The following SOX12 variants were observed in gnomAD, a reference collection of about 807,000 sequenced individuals.
The protein encoded by SOX12 is transcription factor SOX-12.
In SOX12, 8 loss-of-function variants were observed where a neutral mutation model predicts 21.5. The ratio of observed to expected loss-of-function variants is 0.37; its 90% confidence interval spans 0.22 to 0.67. SOX12 has a LOEUF of 0.67. Ranked by LOEUF, SOX12 falls within the 30% of genes least tolerant of loss-of-function variation. The probability of loss-of-function intolerance (pLI) is 0.56; values close to 1 mark genes in which losing one functional copy is unlikely to be tolerated. For synonymous variants in SOX12, 235 were observed against 224.2 expected (o/e 1.05, Z -0.43); for missense variants, 400 against 482.6 (o/e 0.83, Z 1.60).
chr20:329,093 C>G lies in SOX12; in HGVS notation c.*2221C>G, dbSNP rs918970837. ...GAGTCATCTTAATTTCAAAATGAGACTCATATTTTAAAATTTCTGTGGGCC... is the reference window on the plus strand; with the variant it reads ...GAGTCATCTTAATTTCAAAATGAGAGTCATATTTTAAAATTTCTGTGGGCC... On this transcript the variant is annotated 3_prime_UTR_variant, in exon 1 of 1. Coordinates refer to ENST00000342665, the MANE Select transcript of SOX12 (RefSeq NM_006943.4). 1 of 162,770 alleles carries G rather than the reference C, an allele frequency of 6.1e-6. No homozygotes were observed. Among genetic ancestry groups the G allele is most frequent in the Non-Finnish European group, 1.5e-5 (1 of 67,656 alleles). 10.1% of individuals were successfully genotyped at this position (162,770 alleles called of 1,614,324 possible).
At position 326,860 on chromosome 20, in the gene SOX12, T is replaced by C; in HGVS notation, c.936T>C (p.Val312=). Residue 312 remains valine, a synonymous_variant, in exon 1 of 1, where the codon GTT becomes GTC. Transcript: ENST00000342665. The surrounding 1 kb of genome is among the most constrained non-coding windows in gnomAD (Gnocchi z 9.9). The part of the protein sequence containing the change: ...DWRPSSIADL[V]FTY Reference sequence around the variant, plus strand: ...GCCCGTCTAGCATCGCAGACCTGGTTTTCACCTACTGAGCCCACCGTCAGC... The same window carrying C: ...GCCCGTCTAGCATCGCAGACCTGGTCTTCACCTACTGAGCCCACCGTCAGC... 2 of 1,613,018 alleles carry C rather than the reference T, an allele frequency of 1.2e-6. No homozygotes were observed. The highest frequency in any genetic ancestry group is 8.5e-7 in the Non-Finnish European group (1 of 1,179,770).
rs1475540637 is a variant in SOX12 at position 326,100 on chromosome 20, T to C, written c.176T>C (p.Met59Thr). 1 of 1,602,408 alleles carries C rather than the reference T, an allele frequency of 6.2e-7. No homozygotes were observed. The highest frequency in any genetic ancestry group is 8.5e-7 in the Non-Finnish European group (1 of 1,174,984). The stretch of plus-strand genomic sequence containing the variant: ...TCGCAGCACGAACGGCGGAAGATCA[T>C]GGACCAGTGGCCCGACATGCACAAC... ...VWSQHERRKI[M>T]DQWPDMHNAE... is the part of the protein sequence containing the mutation. Residue 59 changes from methionine to threonine, a missense_variant, in exon 1 of 1, where the codon ATG becomes ACG. By Grantham distance (81) the Met-to-Thr change is moderately conservative. This residue lies in a region of SOX12 where 92 missense variants were observed against 162.0 expected (regional missense o/e 0.57). Transcript: ENST00000342665. This position sits in a 1 kb window ranked among gnomAD's most constrained non-coding sequence, Gnocchi z 9.9.
Position 325,906 on chromosome 20 carries a change from G to T in SOX12, c.-19G>T. On this transcript the variant is annotated 5_prime_UTR_variant, in exon 1 of 1. Coordinates refer to ENST00000342665, the MANE Select transcript of SOX12 (RefSeq NM_006943.4). This position sits in a 1 kb window ranked among gnomAD's most constrained non-coding sequence, Gnocchi z 5.0. ...CGGACGGCCCCCGGCGGCGTCTAGC[G>T]GCCCCGGGCCCAGGCGCGATGGTGC... 8.9e-7 allele frequency: 1 copy of T among 1,119,290 alleles called. No individual in the cohort carries two copies. The highest frequency in any genetic ancestry group is 1.1e-6 in the Non-Finnish European group (1 of 916,100). 69.3% of individuals were successfully genotyped at this position (1,119,290 alleles called of 1,614,324 possible). A position where few individuals can be genotyped will look rare whatever the true frequency, so the allele number is the denominator to read the frequency against.
At position 325,953 on chromosome 20, in the gene SOX12, A is replaced by G. The variant is rs2013079754; in HGVS notation, c.29A>G (p.Lys10Arg). 8 of 1,339,740 alleles carry G rather than the reference A, an allele frequency of 6.0e-6. No homozygotes were observed. Among genetic ancestry groups the G allele is most frequent in the Non-Finnish European group, 7.6e-6 (8 of 1,046,556 alleles). 83.0% of individuals were successfully genotyped at this position (1,339,740 alleles called of 1,614,324 possible). MVQQRGARA[K>R]RDGGPPPPGP... Reference sequence around the variant, plus strand: ...GTGCAGCAGCGGGGCGCGAGGGCCAAGCGGGACGGCGGGCCGCCGCCCCCG... The same window carrying G: ...GTGCAGCAGCGGGGCGCGAGGGCCAGGCGGGACGGCGGGCCGCCGCCCCCG... The change falls in exon 1 of 1, where the codon AAG (lysine) becomes AGG (arginine). Residue 10 changes from lysine to arginine, a missense_variant. Coordinates refer to ENST00000342665, the MANE Select transcript of SOX12 (RefSeq NM_006943.4). The surrounding 1 kb of genome is among the most constrained non-coding windows in gnomAD (Gnocchi z 5.0).
Position 326,419 on chromosome 20 carries a change from C to T in SOX12, c.495C>T (p.Asp165=), listed in dbSNP as rs1251150965. 7.4e-7 allele frequency: 1 copy of T among 1,351,580 alleles called. No homozygotes were observed. Among genetic ancestry groups the T allele is most frequent in the Non-Finnish European group, 9.4e-7 (1 of 1,058,670 alleles). 83.7% of individuals were successfully genotyped at this position (1,351,580 alleles called of 1,614,324 possible). ...LGGGAAAPED[D]DEDDDEELLE... The stretch of plus-strand genomic sequence containing the variant: ...GCGGGGCGGCGGCGCCCGAGGACGA[C>T]GATGAAGACGACGACGAGGAGCTGC... Residue 165 remains aspartate (D), a synonymous_variant, in exon 1 of 1, where the codon GAC becomes GAT. Coordinates refer to ENST00000342665, the MANE Select transcript of SOX12 (RefSeq NM_006943.4). This position sits in a 1 kb window ranked among gnomAD's most constrained non-coding sequence, Gnocchi z 9.9.
chr20:326,717 C>G lies in SOX12; in HGVS notation c.793C>G (p.Leu265Val), dbSNP rs144343937. The G allele has an allele frequency of 1.2e-6, 2 of 1,605,418 alleles. No individual in the cohort carries two copies. The highest frequency in any genetic ancestry group is 4.5e-5 in the East Asian group (2 of 44,424). The change falls in exon 1 of 1, where the codon CTG becomes GTG. Residue 265 changes from leucine (L) to valine (V), a missense_variant. Leu to Val is a conservative substitution (Grantham distance 32). This residue lies in a region of SOX12 where 235 missense variants were observed against 219.3 expected (regional missense o/e 1.07). Coordinates refer to ENST00000342665, the MANE Select transcript of SOX12 (RefSeq NM_006943.4). The surrounding 1 kb of genome is among the most constrained non-coding windows in gnomAD (Gnocchi z 9.9). ...LSRLPPGPAG[L>V]DCSALDRDPD... ...CAGGCTGCCCCCTGGCCCGGCCGGC[C>G]TGGACTGCAGCGCCCTGGATCGCGA...
rs772928372 is a variant in SOX12, at chr20:326,441, C to T, written c.517C>T (p.Leu173=). The change falls in exon 1 of 1, where the codon CTG becomes TTG. Residue 173 remains leucine, a synonymous_variant. Transcript: ENST00000342665. This position sits in a 1 kb window ranked among gnomAD's most constrained non-coding sequence, Gnocchi z 9.9. ...CGACGATGAAGACGACGACGAGGAG[C>T]TGCTGGAAGTGCGCCTGGTCGAGAC... ...EDDDEDDDEE[L]LEVRLVETPG... is the part of the protein sequence containing the mutation. The T allele has an allele frequency of 1.7e-5, 23 of 1,370,028 alleles. No individual in the cohort carries two copies. The South Asian group carries it at 2.8e-4, about 17-fold the overall frequency. 84.9% of individuals were successfully genotyped at this position (1,370,028 alleles called of 1,614,324 possible). A position where few individuals can be genotyped will look rare whatever the true frequency, so the allele number is the denominator to read the frequency against.
chr20:329,264 T>A lies in SOX12; in HGVS notation c.*2392T>A, dbSNP rs1053877111. ...CTCCACCACTGAGCACCCGTGTGAC[T>A]CTTTCCATATGTATAACGTGGGGAT... On this transcript the variant is annotated 3_prime_UTR_variant, in exon 1 of 1. Transcript: ENST00000342665. 6.0e-6 allele frequency: 1 copy of A among 167,140 alleles called. No homozygotes were observed. The highest frequency in any genetic ancestry group is 1.5e-5 in the Non-Finnish European group (1 of 68,160). 10.4% of individuals were successfully genotyped at this position (167,140 alleles called of 1,614,324 possible). A position where few individuals can be genotyped will look rare whatever the true frequency, so the allele number is the denominator to read the frequency against.
rs1167966382 is a variant in SOX12, at chr20:325,632, G to A, written c.-293G>A. 6.6e-6 allele frequency: 1 copy of A among 151,060 alleles called. No homozygotes were observed. 9.4% of individuals were successfully genotyped at this position (151,060 alleles called of 1,614,324 possible). On this transcript the variant is annotated 5_prime_UTR_variant, in exon 1 of 1. Transcript: ENST00000342665. The surrounding 1 kb of genome is among the most constrained non-coding windows in gnomAD (Gnocchi z 5.0). ...CAGAGGCTGCAGGAAGAGCCCGCGG[G>A]GGCCCGGAGGGTGCGATTCCTCGGC...
chr20:326,693 A>C lies in SOX12; in HGVS notation c.769A>C (p.Arg257=), dbSNP rs1243213478. ...SGEESLGFLS[R]LPPGPAGLDC... ...GGAGGAGTCGCTGGGCTTTCTGTCCAGGCTGCCCCCTGGCCCGGCCGGCCT... is the reference window on the plus strand; with the variant it reads ...GGAGGAGTCGCTGGGCTTTCTGTCCCGGCTGCCCCCTGGCCCGGCCGGCCT... Residue 257 remains arginine, a synonymous_variant, in exon 1 of 1, where the codon AGG becomes CGG. Transcript: ENST00000342665. This position sits in a 1 kb window ranked among gnomAD's most constrained non-coding sequence, Gnocchi z 9.9. The C allele has an allele frequency of 4.4e-6, 7 of 1,583,156 alleles. No homozygotes were observed. The highest frequency in any genetic ancestry group is 6.0e-6 in the Non-Finnish European group (7 of 1,165,016).
Position 325,982 on chromosome 20 carries a change from C to T in SOX12, c.58C>T (p.Pro20Ser). Reference protein sequence around the residue: ...KRDGGPPPPGPGPAEEGAREP... With the variant: ...KRDGGPPPPGSGPAEEGAREP... Reference sequence around the variant, plus strand: ...GGACGGCGGGCCGCCGCCCCCGGGACCCGGGCCGGCCGAGGAGGGGGCGCG... The same window carrying T: ...GGACGGCGGGCCGCCGCCCCCGGGATCCGGGCCGGCCGAGGAGGGGGCGCG... Residue 20 changes from proline to serine, a missense_variant, in exon 1 of 1, where the codon CCC becomes TCC. Around this residue, in one of 4 missense-constraint regions of SOX12, gnomAD observed 56 missense variants for 51.5 expected, o/e 1.09. Transcript: ENST00000342665. This position sits in a 1 kb window ranked among gnomAD's most constrained non-coding sequence, Gnocchi z 5.0. 1 of 1,452,548 alleles carries T rather than the reference C, an allele frequency of 6.9e-7. No individual in the cohort carries two copies. The highest frequency in any genetic ancestry group is 9.1e-7 in the Non-Finnish European group (1 of 1,096,890). The allele number at this position is 1,452,548 out of a possible 1,614,324, so 90.0% of individuals were successfully genotyped here. A position where few individuals can be genotyped will look rare whatever the true frequency, so the allele number is the denominator to read the frequency against.
rs1232502158 is a variant in SOX12, at chr20:328,580, C to T, written c.*1708C>T. On this transcript the variant is annotated 3_prime_UTR_variant, in exon 1 of 1. Transcript: ENST00000342665. Reference sequence around the variant, plus strand: ...CAAAAAAAGACAATGAAAAAAAAAACGTCATGTGAGTGAAGAGATGTCACT... The same window carrying T: ...CAAAAAAAGACAATGAAAAAAAAAATGTCATGTGAGTGAAGAGATGTCACT... 6.5e-6 allele frequency: 1 copy of T among 153,012 alleles called. No homozygotes were observed. Among genetic ancestry groups the T allele is most frequent in the Non-Finnish European group, 1.5e-5 (1 of 66,138 alleles). 9.5% of individuals were successfully genotyped at this position (153,012 alleles called of 1,614,324 possible). A position where few individuals can be genotyped will look rare whatever the true frequency, so the allele number is the denominator to read the frequency against.
rs1293953308 is a variant in SOX12, at chr20:327,502, C to T, written c.*630C>T. The T allele has an allele frequency of 6.0e-6, 1 of 167,158 alleles. No individual in the cohort carries two copies. Among genetic ancestry groups the T allele is most frequent in the African/African-American group, 2.4e-5 (1 of 41,414 alleles). 10.4% of individuals were successfully genotyped at this position (167,158 alleles called of 1,614,324 possible). A position where few individuals can be genotyped will look rare whatever the true frequency, so the allele number is the denominator to read the frequency against. ...AAAGCGGGGGCGAGTGTAGAGCGAT[C>T]CTGGGAAATCCTTTGATCCGGGAGC... On this transcript the variant is annotated 3_prime_UTR_variant, in exon 1 of 1. Transcript: ENST00000342665.
In SOX12 at chr20:326,863, C is replaced by T; in HGVS notation, c.939C>T (p.Phe313=). The T allele has an allele frequency of 6.2e-7, 1 of 1,613,360 alleles. No individual in the cohort carries two copies. Among genetic ancestry groups the T allele is most frequent in the Non-Finnish European group, 8.5e-7 (1 of 1,179,890 alleles). The change falls in exon 1 of 1, where the codon TTC becomes TTT. Residue 313 remains phenylalanine (F), a synonymous_variant. Coordinates refer to ENST00000342665, the MANE Select transcript of SOX12 (RefSeq NM_006943.4). This position sits in a 1 kb window ranked among gnomAD's most constrained non-coding sequence, Gnocchi z 9.9. ...WRPSSIADLV[F]TY is the part of the protein sequence containing the mutation. Reference sequence around the variant, plus strand: ...CGTCTAGCATCGCAGACCTGGTTTTCACCTACTGAGCCCACCGTCAGCGGG... The same window carrying T: ...CGTCTAGCATCGCAGACCTGGTTTTTACCTACTGAGCCCACCGTCAGCGGG...
Position 326,893 on chromosome 20 carries a change from G to T in SOX12, c.*21G>T. The T allele has an allele frequency of 6.2e-7, 1 of 1,611,358 alleles. No homozygotes were observed. The highest frequency in any genetic ancestry group is 1.1e-5 in the South Asian group (1 of 91,050). On this transcript the variant is annotated 3_prime_UTR_variant, in exon 1 of 1. Transcript: ENST00000342665. The surrounding 1 kb of genome is among the most constrained non-coding windows in gnomAD (Gnocchi z 9.9). The stretch of plus-strand genomic sequence containing the variant: ...ACTGAGCCCACCGTCAGCGGGGCGC[G>T]CACGCCCCCAAACCAGCTGTTTACA...
At position 325,768 on chromosome 20, in the gene SOX12, G is replaced by C; in HGVS notation, c.-157G>C. 2 of 211,150 alleles carry C rather than the reference G, an allele frequency of 9.5e-6. No homozygotes were observed. Among genetic ancestry groups the C allele is most frequent in the Non-Finnish European group, 1.7e-5 (2 of 121,036 alleles). The allele number at this position is 211,150 out of a possible 1,614,324, so 13.1% of individuals were successfully genotyped here. A position where few individuals can be genotyped will look rare whatever the true frequency, so the allele number is the denominator to read the frequency against. ...ACCTTCTCCCCCCGCCGTCCGTTGG[G>C]CCCGAGCGCCCAGCTCCTCGCTCCC... On this transcript the variant is annotated 5_prime_UTR_variant, in exon 1 of 1. Transcript: ENST00000342665. This position sits in a 1 kb window ranked among gnomAD's most constrained non-coding sequence, Gnocchi z 5.0.
rs757003775 is a variant in SOX12 at position 326,764 on chromosome 20, G to C, written c.840G>C (p.Ser280=). 5.0e-6 allele frequency: 8 copies of C among 1,612,870 alleles called. No individual in the cohort carries two copies. Among genetic ancestry groups the C allele is most frequent in the Admixed American group, 1.7e-5 (1 of 59,920 alleles). ...LDRDPDLQPP[S]GTSHFEFPDY... is the part of the protein sequence containing the mutation. ...GCGACCCGGACCTGCAGCCTCCCTC[G>C]GGCACGTCGCACTTCGAGTTCCCGG... The change falls in exon 1 of 1, where the codon TCG becomes TCC. Residue 280 remains serine, a synonymous_variant. Transcript: ENST00000342665. The surrounding 1 kb of genome is among the most constrained non-coding windows in gnomAD (Gnocchi z 9.9).
At position 326,869 on chromosome 20, in the gene SOX12, C is replaced by T; in HGVS notation, c.945C>T (p.Tyr315=). 2.5e-6 allele frequency: 4 copies of T among 1,613,248 alleles called. No individual in the cohort carries two copies. The highest frequency in any genetic ancestry group is 1.3e-5 in the African/African-American group (1 of 75,030). The part of the protein sequence containing the change: ...PSSIADLVFT[Y] ...GCATCGCAGACCTGGTTTTCACCTACTGAGCCCACCGTCAGCGGGGCGCGC... is the reference window on the plus strand; with the variant it reads ...GCATCGCAGACCTGGTTTTCACCTATTGAGCCCACCGTCAGCGGGGCGCGC... Residue 315 remains tyrosine (Y), a synonymous_variant, in exon 1 of 1, where the codon TAC becomes TAT. Transcript: ENST00000342665. This position sits in a 1 kb window ranked among gnomAD's most constrained non-coding sequence, Gnocchi z 9.9.
rs945478521 is a variant in SOX12 at position 329,508 on chromosome 20, T to C, written c.*2636T>C. On this transcript the variant is annotated 3_prime_UTR_variant, in exon 1 of 1. Transcript: ENST00000342665. ...TGCTGCCTCTCCCTCCCTGTTTGAA[T>C]CTGCAGATTGTGTTAGGCCCCCAGC... 1 of 167,128 alleles carries C rather than the reference T, an allele frequency of 6.0e-6. No individual in the cohort carries two copies. Among genetic ancestry groups the C allele is most frequent in the African/African-American group, 2.4e-5 (1 of 41,442 alleles). 10.4% of individuals were successfully genotyped at this position (167,128 alleles called of 1,614,324 possible).
Sources: gnomAD v4.1 joint callset for allele counts on GRCh38, gnomAD v4.1.1 for gene constraint, gnomAD v4.1.1 regional missense constraint, Gnocchi (gnomAD v3.1) non-coding constraint, MANE v1.5 for transcripts, NCBI Gene and HGNC (gene_info 2026-07-23, HGNC 2026-07-21) for gene names.